The following FANCD2 variants were observed in gnomAD, a reference collection of about 807,000 sequenced individuals.
FANCD2 encodes FA complementation group D2.
Under a neutral mutation model 192.3 loss-of-function variants are expected in FANCD2, and 131 were observed. The ratio of observed to expected loss-of-function variants is 0.68; its 90% confidence interval spans 0.59 to 0.79. The LOEUF (loss-of-function observed/expected upper bound fraction) is 0.79, where lower values mean the gene tolerates loss of function less well. FANCD2 is among the 30% of genes least tolerant of loss of function. The probability of loss-of-function intolerance (pLI) is 0.00; values close to 1 mark genes in which losing one functional copy is unlikely to be tolerated. For synonymous variants in FANCD2, 524 were observed against 612.5 expected, an observed-to-expected ratio of 0.86 and a Z score of 2.13; for missense variants, 1,508 against 1,701.6, an observed-to-expected ratio of 0.89 and a Z score of 2.00.
chr3:10,099,137 C>T, intron 43 of FANCD2: 5 of 1,472,780 alleles, frequency 3.4e-6, no homozygotes, highest in Non-Finnish European at 4.5e-6. Flanking sequence ...GAAGTATTTT[C>T]TGAGTGTTGA....
chr3:10,081,439 C>G lies in FANCD2; in HGVS notation c.3199C>G (p.Gln1067Glu). The change falls in exon 32 of 44, where the codon CAG becomes GAG. Residue 1067 changes from glutamine (Q) to glutamate (E), a missense_variant. Around this residue, in one of 5 missense-constraint regions of FANCD2, gnomAD observed 796 missense variants for 879.4 expected, o/e 0.91. Transcript: ENST00000675286. ...GTCTTCCTGCTATCAGAGGCTGCTG[C>G]AGATTTTTCATGGGCTTTTTGCTTG... is the stretch of plus-strand genomic sequence containing the variant. ...IMSSCYQRLLQIFHGLFAWSG... is the reference protein window; with the variant it reads ...IMSSCYQRLLEIFHGLFAWSG... The G allele has an allele frequency of 2.5e-6, 4 of 1,613,522 alleles. No homozygotes were observed. The highest frequency in any genetic ancestry group is 3.4e-6 in the Non-Finnish European group (4 of 1,179,470).
At chr3:10,031,838 G>A (rs2086610253) in intron 2 of FANCD2, among the ~76,000 whole-genome samples, 1 of 152,036 alleles carries the variant, frequency 6.6e-6, no homozygotes, top group African/African-American at 2.4e-5. Context: ...CTGGTATATG[G>A]CATGGAATAT....
chr3:10,060,548 T>C (rs961218823), intron 19 of FANCD2, 145 bp downstream of exon 19: 1 of 703,232 alleles, frequency 1.4e-6, no homozygotes, highest in African/African-American at 1.7e-5. Context: ...TGTTCCCTTC[T>C]AATCGTGACT....
At chr3:10,026,947 G>A (rs2086467176) in intron 1 of FANCD2, among the ~76,000 whole-genome samples, 1 of 150,698 alleles carries the variant, frequency 6.6e-6, no homozygotes, top group African/African-American at 2.5e-5. Context: ...AGTAAGTATA[G>A]GTGGTGAAGA....
At chr3:10,098,609 T>C in intron 42 of FANCD2, 111 bp from the exon 43 acceptor site, 2 of 1,379,218 alleles carry the variant, frequency 1.5e-6, no homozygotes, top group Non-Finnish European at 1.0e-6. Flanking sequence ...TTGCTGTGTT[T>C]TGAATGGCTA....
intron 32 of FANCD2, among the ~76,000 whole-genome samples, chr3:10,085,115 T>A (rs1418437251): frequency 6.6e-6 from 1 of 152,170 alleles, no homozygotes; most frequent in Admixed American, 6.6e-5. Flanking sequence ...GGACATTGAT[T>A]TAGCAGTTTG....
intron 17 of FANCD2, among the ~76,000 whole-genome samples, chr3:10,050,924 A>G (rs1246157905): frequency 6.6e-6 from 1 of 151,684 alleles, no homozygotes; most frequent in East Asian, 1.9e-4. Context: ...CTCCTCTACT[A>G]AAAATACAAA....
rs371928644 is a variant in FANCD2, at chr3:10,039,822, C to T, written c.672C>T (p.His224=). 173 of 1,613,890 alleles carry T rather than the reference C, an allele frequency of 1.1e-4. 2 individuals are homozygous for T. In the South Asian group the frequency reaches 1.3e-3, roughly 12 times the overall value. ...SLPEILGDSQ[H]ADVGKELSDL... is the part of the protein sequence containing the mutation. Reference sequence around the variant, plus strand: ...CTGAGATCCTAGGGGATTCCCAGCACGCTGATGTGGGGAAAGAACTCAGGT... The same window carrying T: ...CTGAGATCCTAGGGGATTCCCAGCATGCTGATGTGGGGAAAGAACTCAGGT... Residue 224 remains histidine (H), a synonymous_variant, in exon 9 of 44, where the codon CAC becomes CAT. Coordinates refer to ENST00000675286, the MANE Select transcript of FANCD2 (RefSeq NM_001018115.3).
intron 18 of FANCD2, among the ~76,000 whole-genome samples, chr3:10,055,770 T>C (rs56276708): frequency 0.24 from 36,059 of 151,414 alleles, 5,629 homozygotes; most frequent in African/African-American, 0.45. Flanking sequence ...CGAGATCGCA[T>C]CACTGCACTC....
At chr3:10,065,082 T>C (rs1199366779) in intron 23 of FANCD2, among the ~76,000 whole-genome samples, 11 of 152,126 alleles carry the variant, frequency 7.2e-5, no homozygotes, top group Admixed American at 7.2e-4. Context: ...CAACAGATAT[T>C]CTGAGATTAC....
intron 18 of FANCD2, among the ~76,000 whole-genome samples, chr3:10,054,430 T>C (rs1412040770): frequency 8.6e-5 from 7 of 81,332 alleles, no homozygotes; most frequent in Non-Finnish European, 1.5e-4. Context: ...TATATACATG[T>C]ATATACATGT....
At position 10,029,960 on chromosome 3, in the gene FANCD2, A is replaced by G. The variant is rs183013082; in HGVS notation, c.64+1239A>G. Reference sequence around the variant, plus strand: ...CACCATGCCCGGCTGATTTTTTTGTATCTTTAGTAGAGACGGGGTTTCACC... The same window carrying G: ...CACCATGCCCGGCTGATTTTTTTGTGTCTTTAGTAGAGACGGGGTTTCACC... On this transcript the variant is annotated intron_variant, in intron 2 of 43. Coordinates refer to ENST00000675286, the MANE Select transcript of FANCD2 (RefSeq NM_001018115.3). Among the ~76,000 whole-genome samples, 8 of 150,906 alleles carry G rather than the reference A, an allele frequency of 5.3e-5. No homozygotes were observed. The East Asian group carries it at 1.6e-3, about 30-fold the overall frequency.
At chr3:10,033,051 G>A in intron 3 of FANCD2, 79 bp downstream of exon 3, 2 of 1,169,506 alleles carry the variant, frequency 1.7e-6, no homozygotes, top group Non-Finnish European at 2.5e-6. Context: ...TAAATAGAGA[G>A]GCAATGAAGA....
intron 7 of FANCD2, among the ~76,000 whole-genome samples, chr3:10,037,115 G>T (rs894947858): frequency 2.0e-5 from 3 of 151,936 alleles, no homozygotes; most frequent in Non-Finnish European, 2.9e-5. Flanking sequence ...CAAACTACTG[G>T]GATGTGGCCC....
At position 10,073,256 on chromosome 3, in the gene FANCD2, G is replaced by A; in HGVS notation, c.2609G>A (p.Arg870Lys). 6.2e-7 allele frequency: 1 copy of A among 1,612,652 alleles called. No homozygotes were observed. Among genetic ancestry groups the A allele is most frequent in the South Asian group, 1.1e-5 (1 of 91,022 alleles). Residue 870 changes from arginine to lysine, a missense_variant, in exon 28 of 44, where the codon AGG (arginine) becomes AAG (lysine). Arg to Lys is a conservative substitution (Grantham distance 26). Around this residue, in one of 5 missense-constraint regions of FANCD2, gnomAD observed 796 missense variants for 879.4 expected, o/e 0.91. Coordinates refer to ENST00000675286, the MANE Select transcript of FANCD2 (RefSeq NM_001018115.3). The stretch of plus-strand genomic sequence containing the variant: ...TTTTCTCTTTTTAATATAAAAGAAA[G>A]GAAACAAAAAACAGATGGCAGCAAG... ...AKIRKKGKIE[R>K]KQKTDGSKTS...
At position 10,094,272 on chromosome 3, in the gene FANCD2, G is replaced by A. The variant is rs1235343522; in HGVS notation, c.3889-17G>A. The A allele has an allele frequency of 6.2e-7, 1 of 1,608,408 alleles. No homozygotes were observed. Among genetic ancestry groups the A allele is most frequent in the Non-Finnish European group, 8.5e-7 (1 of 1,174,786 alleles). On this transcript the variant is annotated splice_polypyrimidine_tract_variant and intron_variant, in intron 39 of 43. Coordinates refer to ENST00000675286, the MANE Select transcript of FANCD2 (RefSeq NM_001018115.3). ...AGATACCTCAGCTAGAGGTAACAGTGTGTCTCTCTTCTTCAGTATGGGCGT... is the reference window on the plus strand; with the variant it reads ...AGATACCTCAGCTAGAGGTAACAGTATGTCTCTCTTCTTCAGTATGGGCGT...
At position 10,032,816 on chromosome 3, in the gene FANCD2, A is replaced by T; in HGVS notation, c.65-16A>T. ...TTTACTATTTGCCATATTCTTGAAA[A>T]TTTTTCTATTTTCAGAAACCAGGAA... is the stretch of plus-strand genomic sequence containing the variant. On this transcript the variant is annotated splice_polypyrimidine_tract_variant and intron_variant, in intron 2 of 43. Coordinates refer to ENST00000675286, the MANE Select transcript of FANCD2 (RefSeq NM_001018115.3). 1 of 1,607,766 alleles carries T rather than the reference A, an allele frequency of 6.2e-7. No homozygotes were observed. The highest frequency in any genetic ancestry group is 1.1e-5 in the South Asian group (1 of 90,208).
chr3:10,068,991 A>G (rs1214135173), intron 26 of FANCD2, among the ~76,000 whole-genome samples: 2 of 152,202 alleles, frequency 1.3e-5, no homozygotes, highest in Non-Finnish European at 2.9e-5. Flanking sequence ...CAAAAATCAA[A>G]ATGGATTATA....
At chr3:10,099,244 C>A (rs1695160147) in intron 43 of FANCD2, 2 of 1,319,222 alleles carry the variant, frequency 1.5e-6, no homozygotes, top group South Asian at 3.3e-5. Flanking sequence ...CAGAAGCTGC[C>A]ACCTTAGAGA....
Sources: allele counts gnomAD v4.1 joint callset (sites outside exome capture counted in the v4.1 genomes callset), GRCh38; gene constraint gnomAD v4.1.1; regional missense constraint gnomAD v4.1.1; transcripts MANE v1.5; gene names NCBI Gene and HGNC (gene_info 2026-07-23, HGNC 2026-07-21).